RHPN2: variants seen among roughly 807,000 people sequenced by gnomAD.
RHPN2 encodes the protein rhophilin Rho GTPase binding protein 2.
In RHPN2, 40 loss-of-function variants were observed where a neutral mutation model predicts 79.0. The ratio of observed to expected loss-of-function variants is 0.51; its 90% CI spans 0.39 to 0.66. The LOEUF (loss-of-function observed/expected upper bound fraction) is 0.66, where lower values mean the gene tolerates loss of function less well. RHPN2 is among the 30% of genes least tolerant of loss of function. The pLI is 0.00. For missense variants in RHPN2, 686 were observed against 883.5 expected, an observed-to-expected ratio of 0.78 and a Z score of 2.83; for synonymous variants, 285 against 363.5, an observed-to-expected ratio of 0.78 and a Z score of 2.46.
At chr19:33,040,679 G>A (rs181633234) in intron 2 of RHPN2, among the ~76,000 whole-genome samples, 84 of 152,250 alleles carry the variant, frequency 5.5e-4, no homozygotes, top group South Asian at 1.7e-3. Flanking sequence ...GTACGGTCAG[G>A]CATGGTGGCT....
chr19:33,026,449 T>G, intron 3 of RHPN2, 55 bp downstream of exon 3: 1 of 1,594,730 alleles, frequency 6.3e-7, no homozygotes, highest in Admixed American at 1.7e-5. Context: ...GCACCCTGGA[T>G]GTACGAAGGA....
chr19:33,048,258 G>A (rs1359298580), intron 1 of RHPN2, among the ~76,000 whole-genome samples: 2 of 151,696 alleles, frequency 1.3e-5, no homozygotes, highest in Non-Finnish European at 2.9e-5. Context: ...GTTTCACCGT[G>A]TTGGCCAGGC....
chr19:32,992,710 C>T (rs1971670634), intron 12 of RHPN2, among the ~76,000 whole-genome samples: 1 of 151,346 alleles, frequency 6.6e-6, no homozygotes, highest in Admixed American at 6.6e-5. Flanking sequence ...ACTCAGGCTG[C>T]TGAGGCAGGA....
intron 2 of RHPN2, among the ~76,000 whole-genome samples, chr19:33,029,828 G>A (rs1971997052): frequency 6.6e-6 from 1 of 152,112 alleles, no homozygotes; most frequent in African/African-American, 2.4e-5. Flanking sequence ...TTGGGAGGAG[G>A]CCCGGCCCAG....
intron 14 of RHPN2, among the ~76,000 whole-genome samples, chr19:32,988,460 T>C (rs1971628771): frequency 6.6e-6 from 1 of 152,138 alleles, no homozygotes; most frequent in Admixed American, 6.6e-5. Flanking sequence ...GTCACCAGCC[T>C]GGACAAGTGC....
chr19:33,064,837 A>G lies in RHPN2; in HGVS notation c.16T>C (p.Leu6=). The G allele has an allele frequency of 7.1e-7, 1 of 1,406,880 alleles. No individual in the cohort carries two copies. Among genetic ancestry groups the G allele is most frequent in the South Asian group, 1.2e-5 (1 of 80,818 alleles). 87.1% of individuals were successfully genotyped at this position (1,406,880 alleles called of 1,614,324 possible). ...TCCAGCGGCTGGGGGGCCGCGGGCA[A>G]CAGCGCGTCGGTCATGCTAGCGGCG... The part of the protein sequence containing the change: MTDAL[L]PAAPQPLEKE... The change falls in exon 1 of 15, where the codon TTG becomes CTG. Residue 6 remains leucine (L), a synonymous_variant. Coordinates refer to ENST00000254260, the MANE Select transcript of RHPN2 (RefSeq NM_033103.5).
chr19:33,037,422 G>A (rs959475888), intron 2 of RHPN2, among the ~76,000 whole-genome samples: 14 of 152,212 alleles, frequency 9.2e-5, no homozygotes, highest in Admixed American at 4.6e-4. Context: ...GGCTGCCTGA[G>A]CCAGCAGTAG....
intron 14 of RHPN2, among the ~76,000 whole-genome samples, chr19:32,985,834 G>A (rs1205723193): frequency 1.3e-5 from 2 of 152,124 alleles, no homozygotes; most frequent in East Asian, 1.9e-4. Flanking sequence ...GTTTTGCCAC[G>A]GTGGCCAGGA....
At chr19:33,000,244 G>A (rs1336396386) in intron 9 of RHPN2, among the ~76,000 whole-genome samples, 3 of 147,188 alleles carry the variant, frequency 2.0e-5, no homozygotes, top group Non-Finnish European at 4.5e-5. Context: ...TTTTTGAGAT[G>A]GAGTTTCGCT....
At chr19:33,001,873 A>G (rs10414879) in intron 9 of RHPN2, among the ~76,000 whole-genome samples, 121,627 of 152,168 alleles carry the variant, frequency 0.8, 49,462 homozygotes, top group African/African-American at 0.95. Context: ...CAAAGTGCTG[A>G]GATTACAGGC....
At chr19:33,035,310 C>A (rs1246428410) in intron 2 of RHPN2, among the ~76,000 whole-genome samples, 1 of 152,172 alleles carries the variant, frequency 6.6e-6, no homozygotes, top group African/African-American at 2.4e-5. Context: ...CCATGTTGCC[C>A]AGGCTGGTTT....
intron 4 of RHPN2, among the ~76,000 whole-genome samples, chr19:33,020,017 C>T (rs150791999): frequency 9.2e-4 from 140 of 152,178 alleles, no homozygotes; most frequent in African/African-American, 3.0e-3. Context: ...GCCCCAGCAT[C>T]GGGGCATGGT....
At chr19:32,985,888 T>G (rs1971609932) in intron 14 of RHPN2, among the ~76,000 whole-genome samples, 1 of 152,184 alleles carries the variant, frequency 6.6e-6, no homozygotes, top group South Asian at 2.1e-4. Flanking sequence ...GGCCTTGGCC[T>G]CCCAAAGTAC....
intron 2 of RHPN2, among the ~76,000 whole-genome samples, chr19:33,042,193 A>G (rs1346881228): frequency 2.7e-5 from 4 of 147,006 alleles, no homozygotes; most frequent in Non-Finnish European, 5.9e-5. Flanking sequence ...CCATCTCAAA[A>G]AAAAAAAAAA....
intron 2 of RHPN2, among the ~76,000 whole-genome samples, chr19:33,028,907 G>C (rs1971988085): frequency 6.6e-6 from 1 of 152,136 alleles, no homozygotes; most frequent in South Asian, 2.1e-4. Flanking sequence ...GGGAGGTTGA[G>C]GTGGGTAGAT....
chr19:33,036,168 T>C (rs1356623715), intron 2 of RHPN2, among the ~76,000 whole-genome samples: 1 of 150,002 alleles, frequency 6.7e-6, no homozygotes, highest in African/African-American at 2.4e-5. Context: ...CTGCAAAATA[T>C]AGTAAGAAAG....
intron 2 of RHPN2, among the ~76,000 whole-genome samples, chr19:33,031,256 C>T (rs149812999): frequency 5.7e-3 from 283 of 49,918 alleles, no homozygotes; most frequent in African/African-American, 0.017. Flanking sequence ...TTCTATTCTA[C>T]TCTATTCTAT....
rs199887869 is a variant in RHPN2, at chr19:32,996,066, C to A, written c.1380G>T (p.Glu460Asp). The A allele has an allele frequency of 2.5e-6, 4 of 1,614,004 alleles. No individual in the cohort carries two copies. The highest frequency in any genetic ancestry group is 2.5e-6 in the Non-Finnish European group (3 of 1,179,872). Residue 460 changes from glutamate to aspartate, a missense_variant, in exon 11 of 15, where the codon GAG becomes GAT. Glu to Asp is a conservative substitution (Grantham distance 45, BLOSUM62 2). Transcript: ENST00000254260. ...CGTCGATCAGGTTCAGCAGGTCATC[C>A]TCCTCCTGGTGCTGGGCGTACGTGA... Reference protein sequence around the residue: ...SRLTYAQHQEEDDLLNLIDAP... With the variant: ...SRLTYAQHQEDDDLLNLIDAP...
In RHPN2 at chr19:32,990,167, G is replaced by A. The variant is rs12461714; in HGVS notation, c.1800+347C>T. 4.2e-3 allele frequency among the ~76,000 whole-genome samples: 610 copies of A among 144,884 alleles called. 9 individuals are homozygous for A. The highest frequency in any genetic ancestry group is 0.011 in the African/African-American group (427 of 38,492). The stretch of plus-strand genomic sequence containing the variant: ...AAAGAAAGAAAGAAAGAAAGAAAGA[G>A]CGAGCCAGGGGTGGTAGTGGGTGCC... On this transcript the variant is annotated intron_variant, in intron 14 of 14. Coordinates refer to ENST00000254260, the MANE Select transcript of RHPN2 (RefSeq NM_033103.5).
Sources: gnomAD v4.1 joint callset for allele counts (sites outside exome capture counted in the v4.1 genomes callset) on GRCh38, gnomAD v4.1.1 for gene constraint, MANE v1.5 for transcripts, NCBI Gene and HGNC (gene_info 2026-07-23, HGNC 2026-07-21) for gene names.